The following ROBO2 variants were observed in gnomAD, a reference collection of about 807,000 sequenced individuals.
The protein encoded by ROBO2 is roundabout guidance receptor 2, also known as roundabout homolog 2.
In ROBO2, 53 loss-of-function variants were observed where a neutral mutation model predicts 160.8. The ratio of observed to expected loss-of-function variants is 0.33; its 90% confidence interval spans 0.26 to 0.41. The LOEUF is 0.41. Ranked by LOEUF, ROBO2 falls within the 10% of genes least tolerant of loss-of-function variation. ROBO2 has a pLI of 1.00. For synonymous variants in ROBO2, 664 were observed against 611.7 expected, an observed-to-expected ratio of 1.09 and a Z score of -1.26; for missense variants, 1,577 against 1,722.4, an observed-to-expected ratio of 0.92 and a Z score of 1.49.
At chr3:76,698,063 T>C (rs9825516) in intron 2 of ROBO2, among the ~76,000 whole-genome samples, 76 of 37,968 alleles carry the variant, frequency 2.0e-3, no homozygotes, top group East Asian at 0.011. Context: ...CTCTTCTATT[T>C]TATTCATTGG....
chr3:76,289,249 A>T (rs546813926), intron 2 of ROBO2, among the ~76,000 whole-genome samples: 1 of 152,260 alleles, frequency 6.6e-6, no homozygotes, highest in African/African-American at 2.4e-5. Context: ...GTGATTACCA[A>T]TGTTGGGCAT....
At chr3:76,291,428 T>C (rs1708797725) in intron 2 of ROBO2, among the ~76,000 whole-genome samples, 1 of 152,120 alleles carries the variant, frequency 6.6e-6, no homozygotes, top group African/African-American at 2.4e-5. Context: ...TTTTCATTAT[T>C]AGTCTAGCTA....
intron 2 of ROBO2, among the ~76,000 whole-genome samples, chr3:76,497,226 G>T: frequency 6.6e-6 from 1 of 151,978 alleles, no homozygotes; most frequent in Non-Finnish European, 1.5e-5. Context: ...CTGTTTAAAA[G>T]TCTCTCTCTC....
chr3:76,603,214 C>G, intron 2 of ROBO2, among the ~76,000 whole-genome samples: 1 of 150,506 alleles, frequency 6.6e-6, no homozygotes, highest in East Asian at 2.0e-4. Context: ...TACCTGTAGT[C>G]CCAGCTACTC....
At chr3:76,173,264 A>G (rs1250283606) in intron 2 of ROBO2, among the ~76,000 whole-genome samples, 2 of 150,932 alleles carry the variant, frequency 1.3e-5, no homozygotes, top group African/African-American at 2.4e-5. Flanking sequence ...GTATATATGT[A>G]TACATACATA....
chr3:75,936,467 A>G, intron 1 of ROBO2, among the ~76,000 whole-genome samples: 1 of 152,162 alleles, frequency 6.6e-6, no homozygotes. Context: ...CCATCTGCTA[A>G]CCATTTAAAT....
At chr3:76,854,606 T>C (rs1251512809) in intron 2 of ROBO2, among the ~76,000 whole-genome samples, 2 of 152,210 alleles carry the variant, frequency 1.3e-5, no homozygotes, top group Non-Finnish European at 2.9e-5. Flanking sequence ...CAGTAACTTA[T>C]GCCTTCTTGT....
chr3:76,339,800 A>G (rs1201886565), intron 2 of ROBO2, among the ~76,000 whole-genome samples: 1 of 152,136 alleles, frequency 6.6e-6, no homozygotes. Flanking sequence ...AATCGTTACA[A>G]TAATTCATAT....
In ROBO2 at chr3:77,086,741, G is replaced by A. The variant is rs185619263; in HGVS notation, c.62-11273G>A. ...CCCTTGGACATGATGCAACTAACGC[G>A]TTTGGCTCATGAAGGCTATAATTTT... is the stretch of plus-strand genomic sequence containing the variant. On this transcript the variant is annotated intron_variant, in intron 1 of 25. Transcript: ENST00000461745. Among the ~76,000 whole-genome samples the A allele has an allele frequency of 3.3e-4, 50 of 152,216 alleles. No individual in the cohort carries two copies. In the East Asian group the frequency reaches 6.8e-3, roughly 21 times the overall value.
intron 2 of ROBO2, among the ~76,000 whole-genome samples, chr3:76,864,211 G>A (rs556255344): frequency 6.6e-6 from 1 of 152,120 alleles, no homozygotes; most frequent in South Asian, 2.1e-4. Flanking sequence ...TTATTTGATG[G>A]TTCTCCTTCC....
At chr3:76,840,322 T>G (rs1002582167) in intron 2 of ROBO2, among the ~76,000 whole-genome samples, 11 of 151,930 alleles carry the variant, frequency 7.2e-5, no homozygotes, top group African/African-American at 2.4e-4. Flanking sequence ...TCAAAAATTA[T>G]GAAGTGGCTG....
At chr3:77,179,596 T>C (rs1264966933) in intron 2 of ROBO2, among the ~76,000 whole-genome samples, 1 of 152,064 alleles carries the variant, frequency 6.6e-6, no homozygotes, top group African/African-American at 2.4e-5. Flanking sequence ...TCATCAAGAT[T>C]TAAAAAATTA....
At position 76,100,853 on chromosome 3, in the gene ROBO2, A is replaced by G. The variant is rs578010168; in HGVS notation, c.109+163251A>G. Among the ~76,000 whole-genome samples, 54 of 152,304 alleles carry G rather than the reference A, an allele frequency of 3.5e-4. No homozygotes were observed. The South Asian group carries it at 0.011, about 31-fold the overall frequency. ...TTCAATACTGGGTTAAGTTCTCCTC[A>G]TTTAACATGGATTTATTATGTGCCT... On this transcript the variant is annotated intron_variant, in intron 2 of 26. Transcript: ENST00000487694.
intron 2 of ROBO2, among the ~76,000 whole-genome samples, chr3:75,970,663 T>G (rs970086821): frequency 7.9e-5 from 12 of 151,574 alleles, no homozygotes; most frequent in African/African-American, 2.9e-4. Flanking sequence ...AAATTCACTG[T>G]GCAATCTTTA....
At chr3:76,942,000 AAC>A (rs1245582630) in intron 2 of ROBO2, among the ~76,000 whole-genome samples, 1 of 152,202 alleles carries the variant, frequency 6.6e-6, no homozygotes, top group Non-Finnish European at 1.5e-5. Flanking sequence ...ATATAAAAGA[AAC>A]AGTGTGACTT....
At chr3:76,657,525 C>T (rs1385731952) in intron 2 of ROBO2, among the ~76,000 whole-genome samples, 2 of 150,510 alleles carry the variant, frequency 1.3e-5, no homozygotes, top group African/African-American at 4.9e-5. Context: ...ACAGGATAAT[C>T]CCTCGAGCCC....
At chr3:76,417,770 G>GA (rs528401140) in intron 2 of ROBO2, among the ~76,000 whole-genome samples, 20 of 150,658 alleles carry the variant, frequency 1.3e-4, no homozygotes, top group African/African-American at 3.6e-4. Flanking sequence ...ATAATTAGGT[G>GA]AAAAAAAAAT....
rs184756740 is a variant in ROBO2, at chr3:75,922,992, G to T, written c.-13-14489G>T. On this transcript the variant is annotated intron_variant, in intron 1 of 26. Transcript: ENST00000487694. ...ACTGATACCTCAAAGCATACCCTTT[G>T]CTGTTGAAAGCAGCCTTTCAGGTAT... Among the ~76,000 whole-genome samples the T allele has an allele frequency of 1.5e-4, 23 of 152,238 alleles. 1 individual carries two copies. The South Asian group carries it at 4.3e-3, about 29-fold the overall frequency.
chr3:76,456,781 G>A (rs13066869), intron 2 of ROBO2, among the ~76,000 whole-genome samples: 50,451 of 152,032 alleles, frequency 0.33, 8,505 homozygotes, highest in Non-Finnish European at 0.35. Context: ...TGGACTTACA[G>A]TTCCACATGG....
Sources: allele counts gnomAD v4.1 joint callset (sites outside exome capture counted in the v4.1 genomes callset), GRCh38; gene constraint gnomAD v4.1.1; transcripts MANE v1.5; gene names NCBI Gene and HGNC (gene_info 2026-07-23, HGNC 2026-07-21).